The following KLHL22 variants were observed in gnomAD, a reference collection of about 807,000 sequenced individuals.
The protein encoded by KLHL22 is kelch like family member 22.
A neutral mutation model predicts 60.7 loss-of-function variants in KLHL22; 18 were observed. The ratio of observed to expected loss-of-function variants is 0.30; its 90% confidence interval spans 0.20 to 0.44. The LOEUF is 0.44. KLHL22 is among the 20% of genes least tolerant of loss of function. The pLI, the probability that KLHL22 is intolerant of heterozygous loss-of-function variation, is 1.00. For missense variants in KLHL22, 596 were observed against 852.3 expected, an observed-to-expected ratio of 0.70 and a Z score of 3.74; for synonymous variants, 355 against 354.5, an observed-to-expected ratio of 1.00 and a Z score of -0.01.
intron 1 of KLHL22, among the ~76,000 whole-genome samples, chr22:20,489,492 C>T (rs2053647143): frequency 1.3e-5 from 2 of 152,136 alleles, no homozygotes; most frequent in African/African-American, 4.8e-5. Context: ...TCTTCTTCAG[C>T]GGCAAAGTCA....
At chr22:20,478,583 C>T (rs1415537061) in intron 2 of KLHL22, among the ~76,000 whole-genome samples, 2 of 133,324 alleles carry the variant, frequency 1.5e-5, no homozygotes, top group Admixed American at 8.5e-5. Context: ...GGCATGATCT[C>T]GGTTCACTGC....
At chr22:20,455,082 A>G (rs1217664749) in intron 5 of KLHL22, among the ~76,000 whole-genome samples, 2 of 152,132 alleles carry the variant, frequency 1.3e-5, no homozygotes, top group Non-Finnish European at 2.9e-5. Context: ...GGGTTTTACC[A>G]TGTTGGCCAG....
chr22:20,483,353 T>C (rs2053535907), intron 2 of KLHL22: 1 of 742,734 alleles, frequency 1.3e-6, no homozygotes, highest in African/African-American at 1.7e-5. Flanking sequence ...TGAGCCTGGA[T>C]GTCTGCCACG....
At chr22:20,447,588 G>A (rs79820558) in intron 5 of KLHL22, among the ~76,000 whole-genome samples, 9,431 of 150,020 alleles carry the variant, frequency 0.063, 773 homozygotes, top group East Asian at 0.46. Flanking sequence ...CTGTCACCAG[G>A]CCGGAGTGCA....
chr22:20,464,199 C>T (rs1385389823), intron 4 of KLHL22, among the ~76,000 whole-genome samples: 1 of 150,886 alleles, frequency 6.6e-6, no homozygotes, highest in Non-Finnish European at 1.5e-5. Context: ...CGGACCACAG[C>T]AGTCCACAAA....
At chr22:20,448,612 T>C (rs1406016938) in intron 5 of KLHL22, among the ~76,000 whole-genome samples, 1 of 152,250 alleles carries the variant, frequency 6.6e-6, no homozygotes, top group Non-Finnish European at 1.5e-5. Flanking sequence ...TTGCCCATGC[T>C]GGAATATAGT....
At chr22:20,443,752 A>G (rs1188408905) in intron 6 of KLHL22, among the ~76,000 whole-genome samples, 1 of 150,976 alleles carries the variant, frequency 6.6e-6, no homozygotes, top group Admixed American at 6.6e-5. Flanking sequence ...ACAAACAAAA[A>G]AAGTGGAAGG....
chr22:20,445,858 G>T (rs1379884223), intron 6 of KLHL22, among the ~76,000 whole-genome samples: 1 of 152,092 alleles, frequency 6.6e-6, no homozygotes, highest in Admixed American at 6.6e-5. Flanking sequence ...CTGCCTCCTG[G>T]GCTCAAGCCA....
At chr22:20,451,466 C>A in intron 5 of KLHL22, 1 of 1,601,206 alleles carries the variant, frequency 6.2e-7, no homozygotes, top group Non-Finnish European at 8.6e-7. Flanking sequence ...GACCCTCATA[C>A]AGGACACTGG....
intron 2 of KLHL22, among the ~76,000 whole-genome samples, chr22:20,480,046 G>T (rs1438530572): frequency 2.0e-5 from 3 of 152,194 alleles, no homozygotes; most frequent in Non-Finnish European, 4.4e-5. Context: ...CAGGTCACAT[G>T]TTATAACACA....
At chr22:20,444,567 G>A (rs188026304) in intron 6 of KLHL22, among the ~76,000 whole-genome samples, 62 of 152,248 alleles carry the variant, frequency 4.1e-4, no homozygotes, top group African/African-American at 1.4e-3. Context: ...GACTCTGTTA[G>A]TCTGAGAATC....
chr22:20,470,181 A>AT (rs1555912366), intron 3 of KLHL22, among the ~76,000 whole-genome samples: 239 of 151,056 alleles, frequency 1.6e-3, no homozygotes, highest in African/African-American at 5.5e-3. Flanking sequence ...CCTATAAAAA[A>AT]ATATATATAT....
rs557382530 is a variant in KLHL22, at chr22:20,462,099, CAAAACAAA to C, written c.1112+2751_1112+2758del. Among the ~76,000 whole-genome samples, 89 of 149,782 alleles carry C rather than the reference CAAAACAAA, an allele frequency of 5.9e-4. 1 individual carries two copies. The South Asian group carries it at 0.011, about 18-fold the overall frequency. On this transcript the variant is annotated intron_variant, in intron 4 of 6. Coordinates refer to ENST00000328879, the MANE Select transcript of KLHL22 (RefSeq NM_032775.4). The stretch of plus-strand genomic sequence containing the variant: ...GGCAGAAAACAGCGAGACTCCATCT[CAAAACAAA>C]AAAACAAAAAAACAAAAAAATTAGC...
intron 5 of KLHL22, chr22:20,450,443 C>A: frequency 1.3e-6 from 2 of 1,576,484 alleles, no homozygotes; most frequent in Non-Finnish European, 1.7e-6. Flanking sequence ...CTGCTTCCTG[C>A]AGCCTGTCTG....
rs746942329 is a variant in KLHL22 at position 20,464,479 on chromosome 22, G to A, written c.1112+379C>T. Among the ~76,000 whole-genome samples the A allele has an allele frequency of 3.3e-5, 5 of 152,278 alleles. No individual in the cohort carries two copies. The East Asian group carries it at 7.7e-4, about 24-fold the overall frequency. On this transcript the variant is annotated intron_variant, in intron 4 of 6. Coordinates refer to ENST00000328879, the MANE Select transcript of KLHL22 (RefSeq NM_032775.4). The stretch of plus-strand genomic sequence containing the variant: ...GCTCAGAGAGAGCATGATGGAGGGC[G>A]AGGCTGCTCAGCTGGCACTGCTCCT...
intron 2 of KLHL22, among the ~76,000 whole-genome samples, chr22:20,488,336 T>C (rs1449822969): frequency 6.6e-6 from 1 of 152,180 alleles, no homozygotes; most frequent in African/African-American, 2.4e-5. Flanking sequence ...CCCACCTCCT[T>C]GAGTGCAGAG....
intron 6 of KLHL22, among the ~76,000 whole-genome samples, chr22:20,445,766 T>G (rs980701350): frequency 1.6e-4 from 24 of 152,026 alleles, no homozygotes; most frequent in South Asian, 4.2e-4. Context: ...TGTTGTTGTT[T>G]TTTTTTGTTT....
At chr22:20,464,259 C>T (rs893641101) in intron 4 of KLHL22, among the ~76,000 whole-genome samples, 3 of 152,174 alleles carry the variant, frequency 2.0e-5, no homozygotes, top group Non-Finnish European at 2.9e-5. Flanking sequence ...GTGCCAAGTG[C>T]GTGGCAGACT....
chr22:20,446,547 C>T lies in KLHL22; in HGVS notation c.1435G>A (p.Gly479Arg). ...CCGTGCCAGGCGCGCCGCACAGGCC[C>T]ATCAGCCAGTGTGTGCCAAGTGTTG... ...GSNTWHTLAD[G>R]PVRRAWHGMA... Residue 479 changes from glycine (G) to arginine (R), a missense_variant, in exon 6 of 7, where the codon GGG becomes AGG. Coordinates refer to ENST00000328879, the MANE Select transcript of KLHL22 (RefSeq NM_032775.4). The T allele has an allele frequency of 6.2e-7, 1 of 1,613,860 alleles. No individual in the cohort carries two copies. Among genetic ancestry groups the T allele is most frequent in the South Asian group, 1.1e-5 (1 of 91,082 alleles).
Sources: gnomAD v4.1 joint callset for allele counts (sites outside exome capture counted in the v4.1 genomes callset) on GRCh38, gnomAD v4.1.1 for gene constraint, MANE v1.5 for transcripts, NCBI Gene and HGNC (gene_info 2026-07-23, HGNC 2026-07-21) for gene names.